The following MAD1L1 variants were observed in gnomAD, a reference collection of about 807,000 sequenced individuals.
MAD1L1 encodes the protein mitotic arrest deficient 1 like 1, also known as mitotic spindle assembly checkpoint protein MAD1.
A neutral mutation model predicts 96.9 loss-of-function variants in MAD1L1; 95 were observed. That is an observed-to-expected ratio of 0.98 (90% CI 0.83 to 1.16). MAD1L1 has a LOEUF of 1.16. Among genes scored for constraint, MAD1L1 ranks in the 50% most tolerant of loss-of-function variants. The pLI is 0.00. For missense variants in MAD1L1, 1,007 were observed against 954.4 expected (o/e 1.06, Z -0.73); for synonymous variants, 473 against 396.6 (o/e 1.19, Z -2.29).
intron 18 of MAD1L1, among the ~76,000 whole-genome samples, chr7:1,871,005 G>A (rs563471556): frequency 2.0e-4 from 23 of 112,930 alleles, no homozygotes; most frequent in African/African-American, 6.8e-4. Context: ...CGAACCAACC[G>A]TAACACCTGC....
rs1458098723 is a variant in MAD1L1, at chr7:2,096,620, G to A, written c.1074-27282C>T. ...GAAGACTTCGAGGACAGCTTCCCCC[G>A]CTACAGCGAGACCCTACAGCTCCTC... On this transcript the variant is annotated intron_variant, in intron 11 of 18. Coordinates refer to ENST00000265854, the MANE Select transcript of MAD1L1 (RefSeq NM_001013836.2). 4.6e-5 allele frequency among the ~76,000 whole-genome samples: 7 copies of A among 152,134 alleles called. No homozygotes were observed. In the East Asian group the frequency reaches 1.2e-3, roughly 25 times the overall value.
chr7:2,156,219 G>A (rs1303943430), intron 10 of MAD1L1, among the ~76,000 whole-genome samples: 2 of 150,082 alleles, frequency 1.3e-5, no homozygotes, highest in Non-Finnish European at 3.0e-5. Context: ...GTTTCACGGC[G>A]CGTGTGGCGA....
chr7:1,950,088 A>AG (rs11375220), intron 16 of MAD1L1, among the ~76,000 whole-genome samples: 130,976 of 152,184 alleles, frequency 0.86, 57,680 homozygotes, highest in Non-Finnish European at 0.96. Flanking sequence ...GACGATCTCT[A>AG]GACAAAGGAC....
intron 10 of MAD1L1, among the ~76,000 whole-genome samples, chr7:2,210,639 C>T (rs1263552540): frequency 2.6e-5 from 4 of 152,198 alleles, no homozygotes; most frequent in Non-Finnish European, 2.9e-5. Flanking sequence ...CCCGAGATCA[C>T]GGCCTGATGC....
chr7:1,960,775 T>G (rs1002520171), intron 15 of MAD1L1, among the ~76,000 whole-genome samples: 1 of 152,152 alleles, frequency 6.6e-6, no homozygotes, highest in South Asian at 2.1e-4. Context: ...AAGGACCACA[T>G]GATCAGCCAA....
intron 13 of MAD1L1, among the ~76,000 whole-genome samples, chr7:2,003,971 G>C (rs946501495): frequency 2.0e-5 from 3 of 152,182 alleles, no homozygotes; most frequent in Non-Finnish European, 4.4e-5. Context: ...CCCCCAAACT[G>C]GGCCTAGACA....
At chr7:2,191,997 C>T (rs536141579) in intron 10 of MAD1L1, among the ~76,000 whole-genome samples, 2 of 151,886 alleles carry the variant, frequency 1.3e-5, no homozygotes, top group African/African-American at 4.8e-5. Flanking sequence ...CGTCACTGCA[C>T]TCCAGCCTGG....
chr7:2,076,891 C>A (rs1785400601), intron 11 of MAD1L1, among the ~76,000 whole-genome samples: 3 of 150,326 alleles, frequency 2.0e-5, no homozygotes, highest in African/African-American at 7.4e-5. Context: ...GAGCCCAAGA[C>A]AGGGTTACGA....
At chr7:2,006,178 C>T (rs567766756) in intron 13 of MAD1L1, among the ~76,000 whole-genome samples, 1 of 152,102 alleles carries the variant, frequency 6.6e-6, no homozygotes, top group South Asian at 2.1e-4. Flanking sequence ...CATGGAACAC[C>T]GAGAGAACAC....
chr7:2,169,378 G>C (rs983555777), intron 10 of MAD1L1, among the ~76,000 whole-genome samples: 4 of 151,448 alleles, frequency 2.6e-5, no homozygotes, highest in Non-Finnish European at 2.9e-5. Context: ...ATAAAATTAA[G>C]AAAAAAAGTT....
intron 9 of MAD1L1, among the ~76,000 whole-genome samples, chr7:2,213,672 C>A (rs73673550): frequency 0.025 from 3,827 of 151,834 alleles, 163 homozygotes; most frequent in African/African-American, 0.087. Context: ...CTCAGGGAAC[C>A]AAGCCCTGGA....
At position 1,816,234 on chromosome 7, in the gene MAD1L1, G is replaced by T. The variant is rs117675468; in HGVS notation, c.1999-6C>A. On this transcript the variant is annotated splice_region_variant and splice_polypyrimidine_tract_variant and intron_variant, in intron 18 of 18. Coordinates refer to ENST00000265854, the MANE Select transcript of MAD1L1 (RefSeq NM_001013836.2). ...GAACCCGAGGGGCTGGTGGCCTGCGGGGCAGTCAAGAAAGAGACAAGACAG... is the reference window on the plus strand; with the variant it reads ...GAACCCGAGGGGCTGGTGGCCTGCGTGGCAGTCAAGAAAGAGACAAGACAG... 4 of 1,611,108 alleles carry T rather than the reference G, an allele frequency of 2.5e-6. No individual in the cohort carries two copies. The Admixed American group carries it at 6.7e-5, about 27-fold the overall frequency.
intron 4 of MAD1L1, among the ~76,000 whole-genome samples, chr7:2,223,876 AG>A (rs1284855588): frequency 6.6e-6 from 1 of 152,198 alleles, no homozygotes; most frequent in African/African-American, 2.4e-5. Flanking sequence ...TGGAACTCCA[AG>A]GAACAATTGG....
rs60466584 is a variant in MAD1L1, at chr7:2,038,498, CTTTTTTTTTTTT to C, written c.1219-23868_1219-23857del. Among the ~76,000 whole-genome samples the C allele has an allele frequency of 9.7e-5, 9 of 92,850 alleles. No individual in the cohort carries two copies. In the East Asian group the frequency reaches 1.3e-3, roughly 14 times the overall value. 60.9% of individuals were successfully genotyped at this position (92,850 alleles called of 152,430 possible). On this transcript the variant is annotated intron_variant, in intron 12 of 18. Coordinates refer to ENST00000265854, the MANE Select transcript of MAD1L1 (RefSeq NM_001013836.2). ...TGTTAGGAGATAATGAAGCTGATGACTTTTTTTTTTTTTTTTTTTTTTTTTTTTGAGACACAG... is the reference window on the plus strand; with the variant it reads ...TGTTAGGAGATAATGAAGCTGATGACTTTTTTTTTTTTTTTTGAGACACAG...
chr7:1,989,293 T>C (rs1466414388), intron 14 of MAD1L1, among the ~76,000 whole-genome samples: 2 of 152,262 alleles, frequency 1.3e-5, no homozygotes, highest in Non-Finnish European at 2.9e-5. Flanking sequence ...CTGTCACTTC[T>C]CTCACGCCCA....
At chr7:2,197,763 G>T (rs771520460) in intron 10 of MAD1L1, among the ~76,000 whole-genome samples, 2 of 152,212 alleles carry the variant, frequency 1.3e-5, no homozygotes, top group Non-Finnish European at 2.9e-5. Flanking sequence ...GCTCCTCTAG[G>T]AGCCATGCAG....
At chr7:1,896,579 G>A (rs935183281) in intron 18 of MAD1L1, among the ~76,000 whole-genome samples, 1 of 152,226 alleles carries the variant, frequency 6.6e-6, no homozygotes, top group Non-Finnish European at 1.5e-5. Context: ...AACATGCCTA[G>A]GCATGTGCCT....
rs546831854 is a variant in MAD1L1 at position 1,850,102 on chromosome 7, A to G, written c.1999-33874T>C. Among the ~76,000 whole-genome samples the G allele has an allele frequency of 5.3e-5, 8 of 152,282 alleles. No homozygotes were observed. In the East Asian group the frequency reaches 1.4e-3, roughly 26 times the overall value. On this transcript the variant is annotated intron_variant, in intron 18 of 18. Transcript: ENST00000265854. ...ACAGCTCTGTGAGGCGTTTGTTCTC[A>G]CCACTCTCGTTCGCCTTAATCTGAG...
chr7:1,944,920 G>A (rs1779159609), intron 16 of MAD1L1, among the ~76,000 whole-genome samples: 1 of 152,234 alleles, frequency 6.6e-6, no homozygotes, highest in Admixed American at 6.5e-5. Context: ...GGGACCGGCT[G>A]GCCTGGCTTC....
Sources: allele counts gnomAD v4.1 joint callset (sites outside exome capture counted in the v4.1 genomes callset), GRCh38; gene constraint gnomAD v4.1.1; transcripts MANE v1.5; gene names NCBI Gene and HGNC (gene_info 2026-07-23, HGNC 2026-07-21).